Variants in ARNT2 observed in about 807,000 individuals in gnomAD.
ARNT2 encodes the protein aryl hydrocarbon receptor nuclear translocator 2.
A neutral mutation model predicts 91.7 loss-of-function variants in ARNT2; 36 were observed. The ratio of observed to expected loss-of-function variants is 0.39; its 90% confidence interval spans 0.30 to 0.52. The LOEUF (loss-of-function observed/expected upper bound fraction) is 0.52. Among genes scored for constraint, ARNT2 ranks in the 20% least tolerant of loss-of-function variants. ARNT2 has a pLI of 0.72. For synonymous variants in ARNT2, 365 were observed against 347.1 expected (o/e 1.05, Z -0.57); for missense variants, 775 against 939.3 (o/e 0.83, Z 2.29).
chr15:80,508,121 A>G, intron 5 of ARNT2, 35 bp from the exon 6 acceptor site: 2 of 1,605,780 alleles, frequency 1.2e-6, no homozygotes, highest in Non-Finnish European at 1.7e-6. Context: ...AACCGAAGGC[A>G]GAGGCTTACG....
chr15:80,574,303 C>A, intron 13 of ARNT2, 83 bp downstream of exon 13: 5 of 1,343,814 alleles, frequency 3.7e-6, no homozygotes, highest in Non-Finnish European at 5.3e-6. Context: ...TGAGCTTGAG[C>A]CCCTCAACAC....
intron 8 of ARNT2, among the ~76,000 whole-genome samples, chr15:80,526,959 T>C (rs1595998913): frequency 1.3e-5 from 2 of 152,176 alleles, no homozygotes; most frequent in Admixed American, 1.3e-4. Context: ...GCTGGACCCC[T>C]GCTTTCTCCA....
At chr15:80,514,260 A>G in intron 7 of ARNT2, 60 bp from the exon 8 acceptor site, 1 of 1,568,292 alleles carries the variant, frequency 6.4e-7, no homozygotes, top group Non-Finnish European at 8.8e-7. Flanking sequence ...CAGAGGAGTC[A>G]TCAACATCCT....
intron 11 of ARNT2, chr15:80,555,373 T>C (rs1898162221): frequency 4.0e-6 from 2 of 494,158 alleles, no homozygotes; most frequent in African/African-American, 3.8e-5. Flanking sequence ...AAGAAAAACA[T>C]TGCAGAGCAC....
intron 6 of ARNT2, among the ~76,000 whole-genome samples, chr15:80,511,029 T>G (rs1334009159): frequency 6.6e-6 from 1 of 152,146 alleles, no homozygotes; most frequent in African/African-American, 2.4e-5. Context: ...TTCCTGGGTA[T>G]ATACCCAAAG....
chr15:80,495,317 T>C (rs1191571225), intron 5 of ARNT2, among the ~76,000 whole-genome samples: 1 of 152,212 alleles, frequency 6.6e-6, no homozygotes, highest in East Asian at 1.9e-4. Flanking sequence ...TTCTTCCCAG[T>C]ACACTCTTTG....
chr15:80,424,062 A>G (rs564984794), intron 1 of ARNT2, among the ~76,000 whole-genome samples: 7 of 152,274 alleles, frequency 4.6e-5, no homozygotes, highest in East Asian at 1.9e-4. Context: ...CATCTTACCA[A>G]TGAAAACTCC....
chr15:80,482,652 A>T (rs1896907899), intron 5 of ARNT2, among the ~76,000 whole-genome samples: 1 of 152,248 alleles, frequency 6.6e-6, no homozygotes, highest in African/African-American at 2.4e-5. Context: ...GGGTTTGGGC[A>T]TATGAGTGGT....
chr15:80,532,666 A>G (rs536502103), intron 8 of ARNT2, among the ~76,000 whole-genome samples: 1 of 152,328 alleles, frequency 6.6e-6, no homozygotes, highest in East Asian at 1.9e-4. Context: ...CGTCTGTAGC[A>G]GAAAGTTATT....
At chr15:80,551,757 A>G (rs67511028) in intron 9 of ARNT2, among the ~76,000 whole-genome samples, 46,443 of 151,716 alleles carry the variant, frequency 0.31, 7,497 homozygotes, top group Non-Finnish European at 0.35. Context: ...TCTCCTTTCA[A>G]TGTTCCTTAT....
intron 11 of ARNT2, among the ~76,000 whole-genome samples, chr15:80,557,259 G>C (rs944834054): frequency 2.6e-5 from 4 of 152,106 alleles, no homozygotes; most frequent in African/African-American, 7.2e-5. Context: ...CTCCTCTGCT[G>C]GTTTCTCCTC....
intron 11 of ARNT2, among the ~76,000 whole-genome samples, chr15:80,562,464 C>A (rs1240703822): frequency 6.6e-6 from 1 of 152,152 alleles, no homozygotes; most frequent in African/African-American, 2.4e-5. Flanking sequence ...CTCATCTTAC[C>A]AAACTCTTAT....
chr15:80,571,555 G>T (rs1044631124), intron 12 of ARNT2, among the ~76,000 whole-genome samples: 1 of 152,198 alleles, frequency 6.6e-6, no homozygotes, highest in Non-Finnish European at 1.5e-5. Flanking sequence ...GGGATCCCTT[G>T]ATCTCTGTCC....
chr15:80,486,653 T>G (rs561922067), intron 5 of ARNT2, among the ~76,000 whole-genome samples: 1 of 152,242 alleles, frequency 6.6e-6, no homozygotes, highest in Non-Finnish European at 1.5e-5. Context: ...CATTCACTGA[T>G]GGATCCCTTT....
chr15:80,553,980 G>T (rs978219069), intron 10 of ARNT2, among the ~76,000 whole-genome samples: 2 of 152,132 alleles, frequency 1.3e-5, no homozygotes, highest in Non-Finnish European at 2.9e-5. Flanking sequence ...TTATCTAGTG[G>T]CACCTCCCAG....
chr15:80,479,185 C>G (rs1030721590), intron 5 of ARNT2, among the ~76,000 whole-genome samples: 1 of 152,198 alleles, frequency 6.6e-6, no homozygotes, highest in East Asian at 1.9e-4. Context: ...CCTGACTTCA[C>G]TGGGGCCTGC....
intron 17 of ARNT2, among the ~76,000 whole-genome samples, chr15:80,589,639 C>A (rs1182613489): frequency 6.6e-6 from 1 of 152,174 alleles, no homozygotes; most frequent in African/African-American, 2.4e-5. Context: ...CTGCAGGCTT[C>A]CAGAATGGGA....
At position 80,426,057 on chromosome 15, in the gene ARNT2, T is replaced by G. The variant is rs72745624; in HGVS notation, c.31+21511T>G. On this transcript the variant is annotated intron_variant, in intron 1 of 18. Coordinates refer to ENST00000303329, the MANE Select transcript of ARNT2 (RefSeq NM_014862.4). ...GCATGGGCAACAGAGGAAGACTGTCTCGAAAAGAAAAGAAAAGAAAAGAAA... is the reference window on the plus strand; with the variant it reads ...GCATGGGCAACAGAGGAAGACTGTCGCGAAAAGAAAAGAAAAGAAAAGAAA... Among the ~76,000 whole-genome samples the G allele has an allele frequency of 9.7e-4, 123 of 126,168 alleles. 1 individual carries two copies. The highest frequency in any genetic ancestry group is 1.8e-3 in the Non-Finnish European group (105 of 59,984). The allele number at this position is 126,168 out of a possible 152,430, so 82.8% of individuals were successfully genotyped here.
At chr15:80,485,386 A>G (rs934037213) in intron 5 of ARNT2, among the ~76,000 whole-genome samples, 1 of 152,210 alleles carries the variant, frequency 6.6e-6, no homozygotes, top group Non-Finnish European at 1.5e-5. Context: ...AGTGAGTACT[A>G]ACTAACTTGG....
Sources: allele counts gnomAD v4.1 joint callset (sites outside exome capture counted in the v4.1 genomes callset), GRCh38; gene constraint gnomAD v4.1.1; transcripts MANE v1.5; gene names NCBI Gene and HGNC (gene_info 2026-07-23, HGNC 2026-07-21).